Variants in RFX8 observed in about 807,000 individuals in gnomAD.
RFX8 encodes DNA-binding protein RFX8.
Under a neutral mutation model 54.6 loss-of-function variants are expected in RFX8, and 46 were observed. The observed-to-expected ratio is 0.84, with a 90% CI of 0.67 to 1.08. RFX8 has a LOEUF of 1.08. Ranked by LOEUF, RFX8 falls within the 50% of genes least tolerant of loss-of-function variation. The probability of loss-of-function intolerance (pLI) is 0.00; values close to 1 mark genes in which losing one functional copy is unlikely to be tolerated. For synonymous variants in RFX8, 192 were observed against 209.5 expected (o/e 0.92, Z 0.72); for missense variants, 536 against 562.3 (o/e 0.95, Z 0.47).
intron 2 of RFX8, among the ~76,000 whole-genome samples, chr2:101,447,269 A>G (rs1001259908): frequency 3.1e-5 from 2 of 64,238 alleles, no homozygotes; most frequent in African/African-American, 7.7e-5. Context: ...TCCTTTCCCA[A>G]CTATTCTTAA....
chr2:101,441,992 T>C (rs1688122591), intron 2 of RFX8, among the ~76,000 whole-genome samples: 1 of 152,212 alleles, frequency 6.6e-6, no homozygotes, highest in South Asian at 2.1e-4. Flanking sequence ...ATTTCTCTTT[T>C]CTTGCCTTTC....
intron 2 of RFX8, among the ~76,000 whole-genome samples, chr2:101,457,826 A>C (rs1443780287): frequency 1.3e-5 from 2 of 152,144 alleles, no homozygotes; most frequent in Non-Finnish European, 2.9e-5. Context: ...GTCTCCCATT[A>C]TTAGTGTGTG....
At chr2:101,450,727 T>G in intron 2 of RFX8, 1 of 989,016 alleles carries the variant, frequency 1.0e-6, no homozygotes, top group Admixed American at 2.1e-5. Flanking sequence ...ACTACTGACA[T>G]GCTTTATGGA....
At chr2:101,403,187 G>A (rs1372268572) in intron 10 of RFX8, among the ~76,000 whole-genome samples, 3 of 152,184 alleles carry the variant, frequency 2.0e-5, no homozygotes, top group African/African-American at 7.2e-5. Context: ...TGTTTGAAAC[G>A]TAGCGCCTTG....
At chr2:101,450,460 T>C in intron 2 of RFX8, 1 of 556,296 alleles carries the variant, frequency 1.8e-6, no homozygotes. Flanking sequence ...TGAACTCAAC[T>C]CAAGCGGTTC....
Position 101,422,472 on chromosome 2 carries a change from A to G in RFX8, c.73T>C (p.Cys25Arg), listed in dbSNP as rs1268683549. The G allele has an allele frequency of 2.0e-6, 3 of 1,517,912 alleles. No homozygotes were observed. The highest frequency in any genetic ancestry group is 1.4e-5 in the African/African-American group (1 of 72,484). The allele number at this position is 1,517,912 out of a possible 1,614,324, so 94.0% of individuals were successfully genotyped here. A position where few individuals can be genotyped will look rare whatever the true frequency, so the allele number is the denominator to read the frequency against. Residue 25 changes from cysteine (C) to arginine (R), a missense_variant and splice_region_variant, in exon 3 of 12, where the codon TGT (cysteine) becomes CGT (arginine). Coordinates refer to ENST00000428343, the MANE Select transcript of RFX8 (RefSeq NM_001145664.2). The stretch of plus-strand genomic sequence containing the variant: ...GTCTTCATCGGTGAATGATCTTCAC[A>G]CTAAAAATCATTTGTGCAATGGATT... ...NQVNPATFGK[C>R]EDHSPMKTDP...
chr2:101,440,816 G>A (rs1057217677), intron 2 of RFX8, among the ~76,000 whole-genome samples: 8 of 152,290 alleles, frequency 5.3e-5, no homozygotes, highest in Admixed American at 2.0e-4. Context: ...TACGGCTCCA[G>A]CGTTACTCGA....
intron 2 of RFX8, chr2:101,434,894 C>T (rs1484326536): frequency 6.6e-6 from 1 of 152,360 alleles, no homozygotes; most frequent in Non-Finnish European, 1.5e-5. Flanking sequence ...GCCCTGGCCC[C>T]AGGAAGACTC....
At chr2:101,441,234 T>C (rs982209868) in intron 2 of RFX8, among the ~76,000 whole-genome samples, 7 of 152,212 alleles carry the variant, frequency 4.6e-5, no homozygotes, top group Admixed American at 3.9e-4. Flanking sequence ...CCTCCCAAAG[T>C]GCTGGGATTA....
In RFX8 at chr2:101,469,137, A is replaced by C. The variant is rs75702449; in HGVS notation, c.-52-2237T>G. On this transcript the variant is annotated intron_variant, in intron 1 of 11. Coordinates refer to ENST00000428343, the MANE Select transcript of RFX8 (RefSeq NM_001145664.2). ...ATATATATATAAGTATATATATATA[A>C]GTATATATATATATATACACACACA... Among the ~76,000 whole-genome samples the C allele has an allele frequency of 6.4e-3, 743 of 116,966 alleles. 24 individuals carry two copies. Among genetic ancestry groups the C allele is most frequent in the East Asian group, 0.015 (52 of 3,446 alleles). The allele number at this position is 116,966 out of a possible 152,430, so 76.7% of individuals were successfully genotyped here.
At chr2:101,428,131 G>A (rs1252829058) in intron 2 of RFX8, among the ~76,000 whole-genome samples, 5 of 151,952 alleles carry the variant, frequency 3.3e-5, no homozygotes, top group Admixed American at 2.0e-4. Flanking sequence ...CTGTCTCTAC[G>A]AAAAATACAA....
rs746630582 is a variant in RFX8 at position 101,402,642 on chromosome 2, GC to G, written c.1038del (p.Met346IlefsTer19). ...TGGCCGAGAGTCGGGTCATCTGGTAGCATTTCCTTGACAGTCCCCATGTCCT... is the reference window on the plus strand; with the variant it reads ...TGGCCGAGAGTCGGGTCATCTGGTAGATTTCCTTGACAGTCCCCATGTCCT... The part of the protein sequence containing the change: ...EEEDMGTVKE[M>X]LPDDPTLGQP... On this transcript the variant is annotated frameshift_variant, in exon 11 of 12. Transcript: ENST00000428343. LOFTEE classifies it high-confidence loss of function. 2.0e-4 allele frequency: 314 copies of G among 1,553,718 alleles called. 3 individuals carry two copies. Among genetic ancestry groups the G allele is most frequent in the Non-Finnish European group, 2.4e-5 (28 of 1,147,880 alleles).
intron 10 of RFX8, among the ~76,000 whole-genome samples, chr2:101,404,348 T>A (rs749199512): frequency 9.2e-5 from 14 of 152,324 alleles, no homozygotes; most frequent in Non-Finnish European, 2.1e-4. Context: ...CTGAAACCAT[T>A]GTTCAAACTA....
intron 2 of RFX8, among the ~76,000 whole-genome samples, chr2:101,433,077 A>G (rs1687580311): frequency 6.6e-6 from 1 of 151,972 alleles, no homozygotes. Context: ...AAGACCGGGG[A>G]GGGAGGAGGG....
chr2:101,463,881 C>G (rs1689427101), intron 2 of RFX8, among the ~76,000 whole-genome samples: 1 of 152,306 alleles, frequency 6.6e-6, no homozygotes, highest in South Asian at 2.1e-4. Flanking sequence ...GGAAACAGCT[C>G]TACTTTAAAT....
At chr2:101,465,959 A>G (rs966905148) in intron 2 of RFX8, among the ~76,000 whole-genome samples, 13 of 152,208 alleles carry the variant, frequency 8.5e-5, no homozygotes, top group Non-Finnish European at 1.3e-4. Context: ...AGTTGTTTCA[A>G]ATATGTGAGC....
chr2:101,462,178 C>A (rs940510411), intron 2 of RFX8, among the ~76,000 whole-genome samples: 1 of 152,170 alleles, frequency 6.6e-6, no homozygotes, highest in Non-Finnish European at 1.5e-5. Context: ...GTAATCCCAG[C>A]ACTTTGGGAG....
At chr2:101,459,845 G>A (rs2148985030) in intron 2 of RFX8, among the ~76,000 whole-genome samples, 1 of 152,336 alleles carries the variant, frequency 6.6e-6, no homozygotes, top group Non-Finnish European at 1.5e-5. Flanking sequence ...CACAGAGGTG[G>A]AGTCCATAGA....
At chr2:101,436,399 C>G (rs1687785559) in intron 2 of RFX8, among the ~76,000 whole-genome samples, 1 of 152,044 alleles carries the variant, frequency 6.6e-6, no homozygotes, top group South Asian at 2.1e-4. Context: ...TTGAGATGCC[C>G]TTGAACAGCC....
Sources: allele counts gnomAD v4.1 joint callset (sites outside exome capture counted in the v4.1 genomes callset), GRCh38; gene constraint gnomAD v4.1.1; transcripts MANE v1.5; gene names NCBI Gene and HGNC (gene_info 2026-07-23, HGNC 2026-07-21).